SLC6A15: variants seen among roughly 807,000 people sequenced by gnomAD.
SLC6A15 encodes the protein sodium-dependent neutral amino acid transporter B(0)AT2.
Under a neutral mutation model 68.5 loss-of-function variants are expected in SLC6A15, and 33 were observed. That is an observed-to-expected ratio of 0.48 (90% CI 0.37 to 0.64). The LOEUF (loss-of-function observed/expected upper bound fraction) is 0.64. Among genes scored for constraint, SLC6A15 ranks in the 30% least tolerant of loss-of-function variants. The pLI is 0.00. For missense variants in SLC6A15, 747 were observed against 874.3 expected (o/e 0.85, Z 1.84); for synonymous variants, 347 against 301.0 (o/e 1.15, Z -1.58).
chr12:84,906,859 G>C (rs1358106950), intron 1 of SLC6A15, among the ~76,000 whole-genome samples: 1 of 151,988 alleles, frequency 6.6e-6, no homozygotes, highest in Admixed American at 6.6e-5. Context: ...TTGAGATCTA[G>C]GGTTAACCAA....
chr12:84,886,498 A>C (rs1331029226), intron 2 of SLC6A15, among the ~76,000 whole-genome samples: 2 of 151,986 alleles, frequency 1.3e-5, no homozygotes, highest in African/African-American at 4.8e-5. Context: ...CAGAAAAATT[A>C]GAGTGAATGA....
At chr12:84,895,699 T>A (rs1340320497) in intron 1 of SLC6A15, among the ~76,000 whole-genome samples, 1 of 152,138 alleles carries the variant, frequency 6.6e-6, no homozygotes, top group East Asian at 1.9e-4. Flanking sequence ...AGAATTGACT[T>A]CTTGTGCACA....
chr12:84,907,092 G>T (rs540570646), intron 1 of SLC6A15, among the ~76,000 whole-genome samples: 23 of 152,230 alleles, frequency 1.5e-4, no homozygotes, highest in Admixed American at 4.6e-4. Context: ...GCTCACGCCT[G>T]TAATCCCAGC....
chr12:84,865,740 T>C (rs943874199), intron 10 of SLC6A15, among the ~76,000 whole-genome samples: 1 of 152,218 alleles, frequency 6.6e-6, no homozygotes, highest in African/African-American at 2.4e-5. Flanking sequence ...GTGACTTTTT[T>C]CACTAAGTAA....
intron 10 of SLC6A15, among the ~76,000 whole-genome samples, chr12:84,865,635 C>A (rs1422832716): frequency 6.6e-6 from 1 of 152,294 alleles, no homozygotes; most frequent in East Asian, 1.9e-4. Context: ...TCTGGCCCAA[C>A]CCCTGTTAAC....
At chr12:84,889,526 A>G (rs1872292913) in intron 2 of SLC6A15, among the ~76,000 whole-genome samples, 1 of 149,628 alleles carries the variant, frequency 6.7e-6, no homozygotes, top group African/African-American at 2.5e-5. Context: ...AAAAATAAAA[A>G]TAAAAATAAA....
At chr12:84,869,416 C>A (rs1315478746) in intron 9 of SLC6A15, among the ~76,000 whole-genome samples, 1 of 144,790 alleles carries the variant, frequency 6.9e-6, no homozygotes, top group East Asian at 2.0e-4. Flanking sequence ...GAGCTGAGAT[C>A]GCACTACTGC....
chr12:84,881,650 A>G lies in SLC6A15; in HGVS notation c.756+2209T>C, dbSNP rs887083334. On this transcript the variant is annotated intron_variant, in intron 5 of 11. Coordinates refer to ENST00000266682, the MANE Select transcript of SLC6A15 (RefSeq NM_182767.6). ...GTGTGTTTTGACCAAGCACATCACC[A>G]GCTGACTCATTCTTCTTTTAGCTGC... 6.3e-5 allele frequency: 62 copies of G among 983,218 alleles called. No individual in the cohort carries two copies. In the African/African-American group the frequency reaches 1.1e-3, roughly 17 times the overall value. The allele number at this position is 983,218 out of a possible 1,614,324, so 60.9% of individuals were successfully genotyped here.
In SLC6A15 at chr12:84,886,010, GA is replaced by G; in HGVS notation, c.347del (p.Phe116SerfsTer21). The G allele has an allele frequency of 1.2e-6, 2 of 1,606,478 alleles. No individual in the cohort carries two copies. The highest frequency in any genetic ancestry group is 1.7e-5 in the Admixed American group (1 of 59,426). On this transcript the variant is annotated frameshift_variant, in exon 3 of 12. Coordinates refer to ENST00000266682, the MANE Select transcript of SLC6A15 (RefSeq NM_182767.6). LOFTEE classifies it high-confidence loss of function. Reference protein sequence around the residue: ...LLMVIGIPLFFLELSVGQRIR... With the variant: ...LLMVIGIPLFXLELSVGQRIR... Reference sequence around the variant, plus strand: ...TTCTTTGACCCACAGAGAGTTCCAAGAAAAAAAGGGGAATACCTATTACCAT... The same window carrying G: ...TTCTTTGACCCACAGAGAGTTCCAAGAAAAAAGGGGAATACCTATTACCAT...
intron 9 of SLC6A15, among the ~76,000 whole-genome samples, chr12:84,870,158 C>T (rs918683583): frequency 6.6e-6 from 1 of 151,414 alleles, no homozygotes; most frequent in Non-Finnish European, 1.5e-5. Context: ...AAAAATTATA[C>T]ACAAACAGTC....
intron 5 of SLC6A15, among the ~76,000 whole-genome samples, chr12:84,880,110 C>G (rs1871752310): frequency 6.6e-6 from 1 of 152,096 alleles, no homozygotes; most frequent in Admixed American, 6.5e-5. Context: ...AAGAACATTT[C>G]AAGCCTACAA....
At chr12:84,877,016 G>A (rs1235960771) in intron 5 of SLC6A15, among the ~76,000 whole-genome samples, 1 of 152,066 alleles carries the variant, frequency 6.6e-6, no homozygotes, top group Non-Finnish European at 1.5e-5. Flanking sequence ...AATTTTCATT[G>A]TGATTCTGTA....
intron 10 of SLC6A15, among the ~76,000 whole-genome samples, chr12:84,864,573 AC>A (rs1321190736): frequency 6.6e-6 from 1 of 150,962 alleles, no homozygotes; most frequent in African/African-American, 2.4e-5. Flanking sequence ...GCCCACCTTG[AC>A]CTCCCAAAGT....
At chr12:84,901,658 A>G (rs1209505865) in intron 1 of SLC6A15, among the ~76,000 whole-genome samples, 1 of 151,796 alleles carries the variant, frequency 6.6e-6, no homozygotes, top group African/African-American at 2.4e-5. Flanking sequence ...ATATGCAAAC[A>G]CTTGAAGTAG....
At chr12:84,863,005 G>A (rs1249209790) in intron 11 of SLC6A15, among the ~76,000 whole-genome samples, 5 of 152,110 alleles carry the variant, frequency 3.3e-5, no homozygotes, top group African/African-American at 1.2e-4. Flanking sequence ...TGCACAGGCT[G>A]CTCTCAAGCT....
chr12:84,905,883 CT>C (rs1228053287), intron 1 of SLC6A15, among the ~76,000 whole-genome samples: 2 of 152,102 alleles, frequency 1.3e-5, no homozygotes, highest in Non-Finnish European at 2.9e-5. Flanking sequence ...CTGTGTTGGC[CT>C]TTTTTAACTA....
intron 11 of SLC6A15, 101 bp from the exon 12 acceptor site, chr12:84,862,107 G>T: frequency 1.6e-6 from 2 of 1,264,138 alleles, no homozygotes; most frequent in Non-Finnish European, 2.2e-6. Context: ...AATCTGGGCT[G>T]GCTTTGTGAC....
Position 84,890,106 on chromosome 12 carries a change from G to A in SLC6A15, c.289+1726C>T, listed in dbSNP as rs150057907. On this transcript the variant is annotated intron_variant, in intron 2 of 11. Transcript: ENST00000266682. ...TACTGAATGGTGAGTACAATCTTTG[G>A]TACTGTAACAACCATTCTAAAGTGA... Among the ~76,000 whole-genome samples the A allele has an allele frequency of 2.3e-4, 35 of 152,144 alleles. No individual in the cohort carries two copies. The East Asian group carries it at 4.3e-3, about 18-fold the overall frequency.
At chr12:84,905,073 A>G (rs1414930899) in intron 1 of SLC6A15, among the ~76,000 whole-genome samples, 1 of 152,190 alleles carries the variant, frequency 6.6e-6, no homozygotes, top group Non-Finnish European at 1.5e-5. Flanking sequence ...TGAAAGCAGT[A>G]TTACTCAGGT....
Sources: allele counts gnomAD v4.1 joint callset (sites outside exome capture counted in the v4.1 genomes callset), GRCh38; gene constraint gnomAD v4.1.1; transcripts MANE v1.5; gene names NCBI Gene and HGNC (gene_info 2026-07-23, HGNC 2026-07-21).